Variants in UBE2O observed in about 807,000 individuals in gnomAD.
UBE2O encodes the protein (E3-independent) E2 ubiquitin-conjugating enzyme.
UBE2O carries 15 observed loss-of-function variants against 125.8 expected under a neutral mutation model. The ratio of observed to expected loss-of-function variants is 0.12; its 90% confidence interval spans 0.08 to 0.18. The LOEUF (loss-of-function observed/expected upper bound fraction) is 0.18. Ranked by LOEUF, UBE2O falls within the 10% of genes least tolerant of loss-of-function variation. The probability of loss-of-function intolerance (pLI) is 1.00; values close to 1 mark genes in which losing one functional copy is unlikely to be tolerated. For missense variants in UBE2O, 1,280 were observed against 1,723.6 expected (o/e 0.74, Z 4.56); for synonymous variants, 708 against 703.2 (o/e 1.01, Z -0.11).
rs184395339 is a variant in UBE2O, at chr17:76,425,161, G to A, written c.418-19589C>T. Among the ~76,000 whole-genome samples the A allele has an allele frequency of 2.8e-3, 396 of 141,852 alleles. 2 individuals carry two copies. Among genetic ancestry groups the A allele is most frequent in the African/African-American group, 9.7e-3 (372 of 38,314 alleles). 93.1% of individuals were successfully genotyped at this position (141,852 alleles called of 152,430 possible). On this transcript the variant is annotated intron_variant, in intron 1 of 17. Transcript: ENST00000319380. ...GCTGGGATTACAGGCGTGAGCCACC[G>A]CACCCGGTTCACCTGTTTCTTTTAA...
At chr17:76,427,821 G>A (rs2072837350) in intron 1 of UBE2O, among the ~76,000 whole-genome samples, 1 of 152,154 alleles carries the variant, frequency 6.6e-6, no homozygotes, top group Admixed American at 6.5e-5. Context: ...TGATCCCATG[G>A]GGGAAATTTT....
chr17:76,431,904 C>T (rs1412388792), intron 1 of UBE2O, among the ~76,000 whole-genome samples: 1 of 152,182 alleles, frequency 6.6e-6, no homozygotes, highest in African/African-American at 2.4e-5. Flanking sequence ...AAGTTTAAGT[C>T]CCATGGATTG....
In UBE2O at chr17:76,389,519, A is replaced by C. The variant is rs1174277108; in HGVS notation, c.*1424T>G. 6.6e-6 allele frequency: 1 copy of C among 152,082 alleles called. No homozygotes were observed. Among genetic ancestry groups the C allele is most frequent in the Non-Finnish European group, 1.5e-5 (1 of 67,998 alleles). 9.4% of individuals were successfully genotyped at this position (152,082 alleles called of 1,614,324 possible). On this transcript the variant is annotated 3_prime_UTR_variant, in exon 18 of 18. Transcript: ENST00000319380. ...TGCTAATGAGCCAACACAAAAAAAA[A>C]AAAAAAAAAAAATGCAAGTAAAAAA... is the stretch of plus-strand genomic sequence containing the variant.
chr17:76,424,778 A>G (rs958452926), intron 1 of UBE2O, among the ~76,000 whole-genome samples: 8 of 151,326 alleles, frequency 5.3e-5, no homozygotes, highest in African/African-American at 1.9e-4. Context: ...TGATCGAGCC[A>G]CTGCACTCCA....
intron 1 of UBE2O, among the ~76,000 whole-genome samples, chr17:76,426,896 T>A (rs865834035): frequency 6.6e-6 from 1 of 151,956 alleles, no homozygotes; most frequent in African/African-American, 2.4e-5. Context: ...ACAGCGAAGG[T>A]CTCTTAGTAA....
intron 1 of UBE2O, among the ~76,000 whole-genome samples, chr17:76,406,043 A>G (rs2072411446): frequency 6.6e-6 from 1 of 152,192 alleles, no homozygotes; most frequent in Non-Finnish European, 1.5e-5. Context: ...GCGGTGGGTC[A>G]CCCTGAAGCC....
intron 1 of UBE2O, among the ~76,000 whole-genome samples, chr17:76,438,388 G>A (rs372284263): frequency 2.6e-5 from 4 of 151,992 alleles, no homozygotes; most frequent in East Asian, 1.9e-4. Context: ...AAGGCTCCTC[G>A]TCGCTCTTCT....
chr17:76,394,366 G>T (rs2072167430), intron 15 of UBE2O, among the ~76,000 whole-genome samples: 1 of 152,224 alleles, frequency 6.6e-6, no homozygotes, highest in Non-Finnish European at 1.5e-5. Flanking sequence ...GCCTGTTCCG[G>T]AAGGATGCAC....
At chr17:76,439,026 A>G (rs2073041665) in intron 1 of UBE2O, among the ~76,000 whole-genome samples, 1 of 152,158 alleles carries the variant, frequency 6.6e-6, no homozygotes, top group African/African-American at 2.4e-5. Flanking sequence ...AGTCCTCTTT[A>G]TGTAAAAAAC....
chr17:76,434,204 T>C (rs570964978), intron 1 of UBE2O, among the ~76,000 whole-genome samples: 38 of 152,264 alleles, frequency 2.5e-4, no homozygotes, highest in African/African-American at 7.7e-4. Flanking sequence ...CCTTCCAGTC[T>C]TACCACTATA....
intron 13 of UBE2O, among the ~76,000 whole-genome samples, 155 bp downstream of exon 13, chr17:76,397,644 C>T (rs981201140): frequency 6.6e-6 from 1 of 152,220 alleles, no homozygotes; most frequent in Admixed American, 6.5e-5. Context: ...AGGCCTGCAC[C>T]AAGGGCTGTG....
At position 76,399,320 on chromosome 17, in the gene UBE2O, G is replaced by A; in HGVS notation, c.1628+129C>T. ...CCCAGGCACCTACGTTGTCTCGGGT[G>A]GGAGCCCCGGAGCCACTACAAGGCA... On this transcript the variant is annotated intron_variant, in intron 9 of 17. Coordinates refer to ENST00000319380, the MANE Select transcript of UBE2O (RefSeq NM_022066.4). This position sits in a 1 kb window ranked among gnomAD's most constrained non-coding sequence, Gnocchi z 6.9. 1 of 978,320 alleles carries A rather than the reference G, an allele frequency of 1.0e-6. No individual in the cohort carries two copies. Among genetic ancestry groups the A allele is most frequent in the South Asian group, 1.6e-5 (1 of 63,170 alleles). The allele number at this position is 978,320 out of a possible 1,614,324, so 60.6% of individuals were successfully genotyped here. A position where few individuals can be genotyped will look rare whatever the true frequency, so the allele number is the denominator to read the frequency against.
At chr17:76,423,646 T>C (rs927317402) in intron 1 of UBE2O, among the ~76,000 whole-genome samples, 1 of 151,108 alleles carries the variant, frequency 6.6e-6, no homozygotes, top group African/African-American at 2.4e-5. Flanking sequence ...TGAGCCGAGA[T>C]CACAACACTG....
Position 76,395,304 on chromosome 17 carries a change from CCA to C in UBE2O, c.2946+419_2946+420del, listed in dbSNP as rs1308850129. ...TCACGCCATTCTCCTGCCTCAGCCT[CCA>C]GAGTAGCTGGGACTACAGGCGCCCG... On this transcript the variant is annotated intron_variant, in intron 15 of 17. Coordinates refer to ENST00000319380, the MANE Select transcript of UBE2O (RefSeq NM_022066.4). This position sits in a 1 kb window ranked among gnomAD's most constrained non-coding sequence, Gnocchi z 5.0. 6.5e-6 allele frequency: 1 copy of C among 154,344 alleles called. No individual in the cohort carries two copies. The highest frequency in any genetic ancestry group is 1.9e-4 in the East Asian group (1 of 5,244). The allele number at this position is 154,344 out of a possible 1,614,324, so 9.6% of individuals were successfully genotyped here.
intron 1 of UBE2O, among the ~76,000 whole-genome samples, chr17:76,442,724 C>T (rs1427017850): frequency 2.6e-5 from 4 of 152,098 alleles, no homozygotes; most frequent in Non-Finnish European, 5.9e-5. Flanking sequence ...TGAATGACAA[C>T]CAAGGCATGA....
chr17:76,423,102 A>G (rs1567846946), intron 1 of UBE2O, among the ~76,000 whole-genome samples: 3 of 152,208 alleles, frequency 2.0e-5, no homozygotes, highest in African/African-American at 7.2e-5. Context: ...GCAATGCAGG[A>G]AACAGGAATC....
In UBE2O at chr17:76,452,758, C is replaced by G; in HGVS notation, c.384G>C (p.Pro128=). The G allele has an allele frequency of 5.3e-6, 8 of 1,512,350 alleles. No homozygotes were observed. Among genetic ancestry groups the G allele is most frequent in the Non-Finnish European group, 7.0e-6 (8 of 1,139,122 alleles). The allele number at this position is 1,512,350 out of a possible 1,614,324, so 93.7% of individuals were successfully genotyped here. A position where few individuals can be genotyped will look rare whatever the true frequency, so the allele number is the denominator to read the frequency against. ...CCTTCACATGCTGCTTGACGCCCTC[C>G]GGGTACCACTGGACGCGCACGTAGC... The part of the protein sequence containing the change: ...RRGYVRVQWY[P]EGVKQHVKET... Residue 128 remains proline, a synonymous_variant, in exon 1 of 18, where the codon CCG becomes CCC. Transcript: ENST00000319380. The surrounding 1 kb of genome is among the most constrained non-coding windows in gnomAD (Gnocchi z 4.4).
intron 1 of UBE2O, among the ~76,000 whole-genome samples, chr17:76,435,835 C>T (rs1038113039): frequency 6.6e-6 from 1 of 152,226 alleles, no homozygotes; most frequent in Non-Finnish European, 1.5e-5. Context: ...AGCTCAGTGA[C>T]ACCCCGGCAC....
intron 1 of UBE2O, among the ~76,000 whole-genome samples, chr17:76,451,445 T>C (rs1009691017): frequency 6.6e-6 from 1 of 152,206 alleles, no homozygotes; most frequent in Non-Finnish European, 1.5e-5. Context: ...TGTGGATGTA[T>C]GTGCATCCCC....
Sources: gnomAD v4.1 joint callset for allele counts (sites outside exome capture counted in the v4.1 genomes callset) on GRCh38, gnomAD v4.1.1 for gene constraint, Gnocchi (gnomAD v3.1) non-coding constraint, MANE v1.5 for transcripts, NCBI Gene and HGNC (gene_info 2026-07-23, HGNC 2026-07-21) for gene names.